The following EHBP1 variants were observed in gnomAD, a reference collection of about 807,000 sequenced individuals.
EHBP1 encodes EH domain-binding protein 1.
EHBP1 carries 55 observed loss-of-function variants against 144.0 expected under a neutral mutation model. The observed-to-expected ratio is 0.38, with a 90% confidence interval of 0.31 to 0.48. The LOEUF is 0.48. Ranked by LOEUF, EHBP1 falls within the 20% of genes least tolerant of loss-of-function variation. EHBP1 has a pLI of 0.98. For missense variants in EHBP1, 1,200 were observed against 1,364.2 expected (o/e 0.88, Z 1.90); for synonymous variants, 469 against 472.7 (o/e 0.99, Z 0.10).
chr2:62,975,568 T>C (rs1189260647), intron 14 of EHBP1, among the ~76,000 whole-genome samples: 1 of 152,116 alleles, frequency 6.6e-6, no homozygotes, highest in Admixed American at 6.5e-5. Flanking sequence ...ATTTTTTTTA[T>C]AATTCTACCT....
chr2:62,763,893 C>A (rs997689292), intron 3 of EHBP1, among the ~76,000 whole-genome samples: 2 of 151,974 alleles, frequency 1.3e-5, no homozygotes, highest in Non-Finnish European at 2.9e-5. Context: ...TCCTAGTCCA[C>A]AAAAATAATT....
At chr2:63,027,108 T>G (rs192223649) in intron 19 of EHBP1, among the ~76,000 whole-genome samples, 1 of 152,216 alleles carries the variant, frequency 6.6e-6, no homozygotes, top group East Asian at 1.9e-4. Flanking sequence ...CAAGACAAAC[T>G]GGCTGCATTT....
intron 1 of EHBP1, among the ~76,000 whole-genome samples, chr2:62,674,891 A>G (rs1056094484): frequency 6.6e-6 from 1 of 152,174 alleles, no homozygotes. Context: ...TCGGTCTCCC[A>G]AAGCACTGGG....
intron 7 of EHBP1, among the ~76,000 whole-genome samples, chr2:62,837,540 C>T (rs2047381048): frequency 6.6e-6 from 1 of 152,032 alleles, no homozygotes; most frequent in Non-Finnish European, 1.5e-5. Context: ...AAGACACAGA[C>T]TGGCAAATTG....
chr2:62,751,174 T>G (rs1041125056), intron 3 of EHBP1, among the ~76,000 whole-genome samples: 10 of 152,222 alleles, frequency 6.6e-5, no homozygotes, highest in Admixed American at 5.9e-4. Flanking sequence ...ACCGAATTTA[T>G]TGAGAGTTTT....
intron 9 of EHBP1, among the ~76,000 whole-genome samples, chr2:62,873,354 A>T (rs2050634290): frequency 6.6e-6 from 1 of 152,188 alleles, no homozygotes; most frequent in African/African-American, 2.4e-5. Context: ...TATTAAAATT[A>T]AAAATTCCTG....
chr2:62,813,224 A>G (rs935140712), intron 5 of EHBP1, among the ~76,000 whole-genome samples: 5 of 152,214 alleles, frequency 3.3e-5, no homozygotes, highest in African/African-American at 1.2e-4. Context: ...CAAGCAGGCC[A>G]AGGTACTGCT....
At chr2:62,879,588 CACAG>C (rs1212791740) in intron 10 of EHBP1, among the ~76,000 whole-genome samples, 2 of 141,776 alleles carry the variant, frequency 1.4e-5, no homozygotes, top group African/African-American at 2.6e-5. Context: ...CACACACACA[CACAG>C]AGACAGAGAG....
At chr2:62,826,890 G>GT (rs1446458252) in intron 6 of EHBP1, among the ~76,000 whole-genome samples, 2 of 152,268 alleles carry the variant, frequency 1.3e-5, no homozygotes, top group East Asian at 3.9e-4. Context: ...GGGGAAAAAA[G>GT]TAAGATTCAC....
intron 8 of EHBP1, among the ~76,000 whole-genome samples, chr2:62,863,837 G>GTTT (rs1354945636): frequency 0.095 from 7,049 of 73,826 alleles, 1,502 homozygotes; most frequent in Non-Finnish European, 0.11. Flanking sequence ...ATTTTTCTGT[G>GTTT]TTGTTTTTTT....
chr2:62,944,834 C>T (rs1450158535), intron 12 of EHBP1, among the ~76,000 whole-genome samples: 1 of 152,190 alleles, frequency 6.6e-6, no homozygotes, highest in Non-Finnish European at 1.5e-5. Context: ...CCTAACTCAG[C>T]ACACAGTAGG....
chr2:62,755,179 C>G (rs2040162272), intron 3 of EHBP1, among the ~76,000 whole-genome samples: 2 of 152,216 alleles, frequency 1.3e-5, no homozygotes, highest in African/African-American at 4.8e-5. Context: ...TCCCAACCCT[C>G]AGAGGTGAAC....
intron 21 of EHBP1, 67 bp from the exon 22 acceptor site, chr2:63,044,999 G>T (rs2061882996): frequency 3.4e-6 from 4 of 1,192,374 alleles, no homozygotes; most frequent in South Asian, 1.3e-5. Context: ...AAGGCGGGAA[G>T]GGGAGGGCGG....
At chr2:62,914,051 G>A (rs1288980883) in intron 10 of EHBP1, among the ~76,000 whole-genome samples, 1 of 152,112 alleles carries the variant, frequency 6.6e-6, no homozygotes, top group African/African-American at 2.4e-5. Flanking sequence ...TAGAAAGAGA[G>A]TGTCAAACCT....
intron 5 of EHBP1, among the ~76,000 whole-genome samples, chr2:62,804,697 A>G (rs1046260855): frequency 6.6e-6 from 1 of 152,240 alleles, no homozygotes; most frequent in African/African-American, 2.4e-5. Flanking sequence ...ACCAATCCCC[A>G]GCCCTCAGGC....
intron 1 of EHBP1, among the ~76,000 whole-genome samples, chr2:62,684,755 A>G (rs954689586): frequency 6.6e-6 from 1 of 152,222 alleles, no homozygotes; most frequent in Non-Finnish European, 1.5e-5. Context: ...TATGAAGTCC[A>G]CCAGAAAAAG....
intron 19 of EHBP1, among the ~76,000 whole-genome samples, chr2:63,010,297 A>G (rs2060215133): frequency 6.6e-6 from 1 of 151,480 alleles, no homozygotes; most frequent in Non-Finnish European, 1.5e-5. Flanking sequence ...TAGAGCAGGT[A>G]TTTTCTGACT....
At chr2:62,884,837 G>A (rs2051785855) in intron 10 of EHBP1, among the ~76,000 whole-genome samples, 1 of 152,192 alleles carries the variant, frequency 6.6e-6, no homozygotes, top group Non-Finnish European at 1.5e-5. Flanking sequence ...ATTTTGATAT[G>A]AAAGGGTCTT....
At chr2:62,977,357 C>T (rs2058762856) in intron 14 of EHBP1, among the ~76,000 whole-genome samples, 1 of 151,936 alleles carries the variant, frequency 6.6e-6, no homozygotes, top group Admixed American at 6.6e-5. Flanking sequence ...TATATTTCCC[C>T]GTATACTTTC....
Sources: gnomAD v4.1 joint callset for allele counts (sites outside exome capture counted in the v4.1 genomes callset) on GRCh38, gnomAD v4.1.1 for gene constraint, MANE v1.5 for transcripts, NCBI Gene and HGNC (gene_info 2026-07-23, HGNC 2026-07-21) for gene names.